Variants in PHLDB2 observed in about 807,000 individuals in gnomAD.
PHLDB2 encodes the protein pleckstrin homology-like domain family B member 2.
PHLDB2 carries 71 observed loss-of-function variants against 123.6 expected under a neutral mutation model. That is an observed-to-expected ratio of 0.57 (90% CI 0.47 to 0.70). The LOEUF (loss-of-function observed/expected upper bound fraction) is 0.70. PHLDB2 is among the 30% of genes least tolerant of loss of function. PHLDB2 has a pLI of 0.00. For synonymous variants in PHLDB2, 547 were observed against 541.6 expected (o/e 1.01, Z -0.14); for missense variants, 1,446 against 1,519.5 (o/e 0.95, Z 0.80).
chr3:111,933,773 G>A (rs1334116487), intron 6 of PHLDB2, among the ~76,000 whole-genome samples: 1 of 152,138 alleles, frequency 6.6e-6, no homozygotes, highest in East Asian at 1.9e-4. Context: ...AAAGAGATGG[G>A]AAAACTGATT....
At chr3:111,901,231 A>G (rs2067185597) in intron 2 of PHLDB2, among the ~76,000 whole-genome samples, 1 of 151,882 alleles carries the variant, frequency 6.6e-6, no homozygotes, top group East Asian at 1.9e-4. Flanking sequence ...GTGGTGGCAC[A>G]TGCCTGTGGT....
In PHLDB2 at chr3:111,945,272, A is replaced by T. The variant is rs538173181; in HGVS notation, c.2402A>T (p.Lys801Met). 1 of 1,605,744 alleles carries T rather than the reference A, an allele frequency of 6.2e-7. No homozygotes were observed. The highest frequency in any genetic ancestry group is 1.3e-5 in the African/African-American group (1 of 74,706). Reference protein sequence around the residue: ...NNLIMMLQREKENLCNLEKKY... With the variant: ...NNLIMMLQREMENLCNLEKKY... ...ATAGGTTTTGTATTCCTTCAGGAAA[A>T]GGAGAATCTTTGTAATTTGGAAAAG... Residue 801 changes from lysine to methionine, a missense_variant, in exon 9 of 18, where the codon AAG (lysine) becomes ATG (methionine). Around this residue, in one of 3 missense-constraint regions of PHLDB2, gnomAD observed 594 missense variants for 646.0 expected, o/e 0.92. Coordinates refer to ENST00000431670, the MANE Select transcript of PHLDB2 (RefSeq NM_001134438.2).
Position 111,948,933 on chromosome 3 carries a change from G to T in PHLDB2, c.2489G>T (p.Gly830Val). ...FPVNPNTLKEGYISVNEINEP... is the reference protein window; with the variant it reads ...FPVNPNTLKEVYISVNEINEP... ...TAACTTCTGAATTCCTCCTTTTAGGGCTATATCAGTGTAAATGAGATTAAT... is the reference window on the plus strand; with the variant it reads ...TAACTTCTGAATTCCTCCTTTTAGGTCTATATCAGTGTAAATGAGATTAAT... The change falls in exon 10 of 18, where the codon GGC becomes GTC. Residue 830 changes from glycine (G) to valine (V), a missense_variant and splice_region_variant. Around this residue, in one of 3 missense-constraint regions of PHLDB2, gnomAD observed 594 missense variants for 646.0 expected, o/e 0.92. Transcript: ENST00000431670. 6 of 1,613,720 alleles carry T rather than the reference G, an allele frequency of 3.7e-6. No homozygotes were observed. Among genetic ancestry groups the T allele is most frequent in the Non-Finnish European group, 5.1e-6 (6 of 1,179,884 alleles).
intron 11 of PHLDB2, among the ~76,000 whole-genome samples, chr3:111,953,224 ATGTAG>A (rs1272291996): frequency 6.6e-6 from 1 of 152,096 alleles, no homozygotes; most frequent in Non-Finnish European, 1.5e-5. Context: ...CTCAGCTGGT[ATGTAG>A]TGGAGTGGAA....
chr3:111,863,396 GA>G (rs373948917), intron 1 of PHLDB2, among the ~76,000 whole-genome samples: 1 of 152,058 alleles, frequency 6.6e-6, no homozygotes, highest in Non-Finnish European at 1.5e-5. Flanking sequence ...GAGTATGGAA[GA>G]AAAAAAGACA....
intron 1 of PHLDB2, among the ~76,000 whole-genome samples, chr3:111,733,616 G>A (rs909719648): frequency 6.6e-6 from 1 of 152,200 alleles, no homozygotes; most frequent in Non-Finnish European, 1.5e-5. Flanking sequence ...GGAGGTCTAT[G>A]GGGAAGAAGG....
chr3:111,886,448 C>CA (rs2066168702), intron 2 of PHLDB2, among the ~76,000 whole-genome samples: 1 of 146,554 alleles, frequency 6.8e-6, no homozygotes, highest in Non-Finnish European at 1.5e-5. Context: ...TTTTTTTTGC[C>CA]TTTTTTTTTT....
At chr3:111,793,359 C>G (rs2061012828) in intron 1 of PHLDB2, among the ~76,000 whole-genome samples, 1 of 152,032 alleles carries the variant, frequency 6.6e-6, no homozygotes, top group African/African-American at 2.4e-5. Flanking sequence ...TACTGATGTT[C>G]ACTTAAGGCC....
chr3:111,962,238 T>C lies in PHLDB2; in HGVS notation c.3003T>C (p.Phe1001=). The C allele has an allele frequency of 6.3e-7, 1 of 1,580,150 alleles. No individual in the cohort carries two copies. Among genetic ancestry groups the C allele is most frequent in the Non-Finnish European group, 8.5e-7 (1 of 1,170,954 alleles). ...YPDHSYKDQA[F]DTLSLDSSDS... is the part of the protein sequence containing the mutation. ...ATCACAGCTACAAGGACCAGGCCTT[T>C]GATACTCTGAGCCTCGATAGCTCTG... The change falls in exon 13 of 18, where the codon TTT becomes TTC. Residue 1001 remains phenylalanine (F), a synonymous_variant. Coordinates refer to ENST00000431670, the MANE Select transcript of PHLDB2 (RefSeq NM_001134438.2).
intron 1 of PHLDB2, chr3:111,779,797 C>G: frequency 1.1e-6 from 1 of 923,962 alleles, no homozygotes; most frequent in Non-Finnish European, 1.3e-6. Context: ...CTTAAGAGGA[C>G]TCTGACCTCC....
rs2062948953 is a variant in PHLDB2, at chr3:111,830,955, GA to G, written c.-48-14865del. The stretch of plus-strand genomic sequence containing the variant: ...GAAAGAAAAGAAGGAAAGAAAGAAA[GA>G]GAAAGAAAGAAAGAAAGAAAGAAAG... On this transcript the variant is annotated intron_variant, in intron 1 of 17. Coordinates refer to the PHLDB2 transcript ENST00000393923. Among the ~76,000 whole-genome samples the G allele has an allele frequency of 1.4e-4, 9 of 63,666 alleles. 1 individual carries two copies. The highest frequency in any genetic ancestry group is 4.2e-4 in the Admixed American group (2 of 4,800). The allele number at this position is 63,666 out of a possible 152,430, so 41.8% of individuals were successfully genotyped here.
At chr3:111,939,884 A>C (rs1553222) in intron 7 of PHLDB2, among the ~76,000 whole-genome samples, 73,659 of 152,106 alleles carry the variant, frequency 0.48, 18,774 homozygotes, top group Non-Finnish European at 0.57. Context: ...GAATTCAGAT[A>C]TTGGTTTTAA....
chr3:111,819,149 G>A (rs1038206646), intron 1 of PHLDB2, among the ~76,000 whole-genome samples: 1 of 151,792 alleles, frequency 6.6e-6, no homozygotes, highest in Non-Finnish European at 1.5e-5. Context: ...TCTTATGAGG[G>A]CACTCTTTTC....
At chr3:111,859,698 A>C (rs926037629) in intron 1 of PHLDB2, 122 bp downstream of exon 1, 27 of 982,224 alleles carry the variant, frequency 2.7e-5, no homozygotes, top group South Asian at 9.5e-5. Flanking sequence ...TGCGCTGCGG[A>C]GGGTTGGGGG....
At chr3:111,969,617 G>T in intron 15 of PHLDB2, 73 bp from the exon 16 acceptor site, 1 of 1,224,326 alleles carries the variant, frequency 8.2e-7, no homozygotes. Context: ...GTTAATTTCT[G>T]CTTCTAAACA....
chr3:111,885,030 C>T lies in PHLDB2; in HGVS notation c.953C>T (p.Ala318Val). ...GGGGCTTTACCCTATAAAACCTCTG[C>T]TTCTGAAGGCAATCCTTATGTAAGT... Reference protein sequence around the residue: ...SSGALPYKTSASEGNPYVSST... With the variant: ...SSGALPYKTSVSEGNPYVSST... The change falls in exon 2 of 18, where the codon GCT becomes GTT. Residue 318 changes from alanine to valine, a missense_variant. Ala to Val is a moderately conservative substitution (Grantham distance 64, BLOSUM62 0). Transcript: ENST00000431670. The T allele has an allele frequency of 6.2e-7, 1 of 1,614,182 alleles. No individual in the cohort carries two copies. Among genetic ancestry groups the T allele is most frequent in the Non-Finnish European group, 8.5e-7 (1 of 1,180,022 alleles).
intron 7 of PHLDB2, among the ~76,000 whole-genome samples, 168 bp downstream of exon 7, chr3:111,939,798 AC>A (rs1357724630): frequency 6.6e-6 from 1 of 152,270 alleles, no homozygotes; most frequent in African/African-American, 2.4e-5. Flanking sequence ...TACAGTTGTT[AC>A]ATAATGCTGT....
chr3:111,800,367 T>G (rs1281230461), intron 1 of PHLDB2, among the ~76,000 whole-genome samples: 2 of 152,150 alleles, frequency 1.3e-5, no homozygotes, highest in African/African-American at 4.8e-5. Context: ...GAAAAGAAAT[T>G]TTTATTTTAT....
At chr3:111,806,044 ATGT>A (rs1342917280) in intron 1 of PHLDB2, among the ~76,000 whole-genome samples, 7 of 151,984 alleles carry the variant, frequency 4.6e-5, no homozygotes, top group Admixed American at 3.9e-4. Flanking sequence ...ACAGGTCAAA[ATGT>A]TGTTAAAGAT....
Sources: gnomAD v4.1 joint callset for allele counts (sites outside exome capture counted in the v4.1 genomes callset) on GRCh38, gnomAD v4.1.1 for gene constraint, gnomAD v4.1.1 regional missense constraint, MANE v1.5 for transcripts, NCBI Gene and HGNC (gene_info 2026-07-23, HGNC 2026-07-21) for gene names.